Variants in SYNPR observed in about 807,000 individuals in gnomAD.
SYNPR encodes synaptoporin.
A neutral mutation model predicts 32.9 loss-of-function variants in SYNPR; 23 were observed. The ratio of observed to expected loss-of-function variants is 0.70; its 90% CI spans 0.50 to 0.99. SYNPR has a LOEUF of 0.99. Among genes scored for constraint, SYNPR ranks in the 50% least tolerant of loss-of-function variants. The pLI, the probability that SYNPR is intolerant of heterozygous loss-of-function variation, is 0.00. For missense variants in SYNPR, 318 were observed against 349.3 expected (o/e 0.91, Z 0.71); for synonymous variants, 146 against 135.9 (o/e 1.07, Z -0.52).
the SYNPR span, among the ~76,000 whole-genome samples, chr3:63,217,580 G>A: frequency 5.9e-5 from 8 of 135,592 alleles, no homozygotes; most frequent in East Asian, 8.2e-4. Context: ...CGCACGGTGC[G>A]CGCACACACT....
intron 2 of SYNPR, among the ~76,000 whole-genome samples, chr3:63,346,284 A>G (rs2087436432): frequency 6.6e-6 from 1 of 152,158 alleles, no homozygotes; most frequent in Non-Finnish European, 1.5e-5. Context: ...CAAATACACA[A>G]TCATATACTA....
At chr3:63,340,061 T>C (rs1257757761) in intron 2 of SYNPR, among the ~76,000 whole-genome samples, 1 of 152,234 alleles carries the variant, frequency 6.6e-6, no homozygotes, top group Non-Finnish European at 1.5e-5. Flanking sequence ...GCAAGAATCT[T>C]ATATAAATAT....
the SYNPR span, among the ~76,000 whole-genome samples, chr3:63,201,605 A>C: frequency 6.6e-6 from 1 of 152,162 alleles, no homozygotes; most frequent in Non-Finnish European, 1.5e-5. Context: ...TTATATTTAC[A>C]GATACTTGAT....
At chr3:63,292,646 GTGGCACA>G (rs2086751149) in intron 2 of SYNPR, among the ~76,000 whole-genome samples, 1 of 152,184 alleles carries the variant, frequency 6.6e-6, no homozygotes, top group Admixed American at 6.5e-5. Flanking sequence ...GCAAAGATTA[GTGGCACA>G]TAGGAAACAT....
chr3:63,535,766 T>C (rs370832943), intron 3 of SYNPR, among the ~76,000 whole-genome samples: 78 of 151,504 alleles, frequency 5.1e-4, no homozygotes, highest in African/African-American at 1.8e-3. Context: ...CCCTACCTCA[T>C]ACCATTTACA....
intron 2 of SYNPR, among the ~76,000 whole-genome samples, chr3:63,429,267 A>T (rs1271455790): frequency 2.0e-5 from 3 of 152,208 alleles, no homozygotes; most frequent in Non-Finnish European, 4.4e-5. Context: ...CATATCATAA[A>T]CCAATGTAGC....
At chr3:63,445,684 A>G in intron 2 of SYNPR, 1 of 539,922 alleles carries the variant, frequency 1.9e-6, no homozygotes. Context: ...TCTCCATTTT[A>G]CAGATGAGAA....
At chr3:63,524,094 A>AG (rs397952444) in intron 3 of SYNPR, among the ~76,000 whole-genome samples, 2 of 152,024 alleles carry the variant, frequency 1.3e-5, no homozygotes, top group African/African-American at 2.4e-5. Flanking sequence ...AAAAAAAAAA[A>AG]TGACTCACTT....
intron 4 of SYNPR, among the ~76,000 whole-genome samples, chr3:63,557,007 G>C (rs1702606936): frequency 1.3e-5 from 2 of 152,210 alleles, no homozygotes; most frequent in South Asian, 4.1e-4. Flanking sequence ...GGAAAGAGCA[G>C]TGAAGCTTGC....
At chr3:63,444,973 A>G (rs1700247527) in intron 2 of SYNPR, among the ~76,000 whole-genome samples, 1 of 151,310 alleles carries the variant, frequency 6.6e-6, no homozygotes, top group South Asian at 2.1e-4. Context: ...AAAACAAAAC[A>G]CAAACAAAAC....
At chr3:63,211,431 G>A in the SYNPR span, among the ~76,000 whole-genome samples, 1 of 152,150 alleles carries the variant, frequency 6.6e-6, no homozygotes, top group Non-Finnish European at 1.5e-5. Context: ...CAAGAGCAAG[G>A]AGATTCAAGT....
chr3:63,349,921 T>C (rs992278264), intron 2 of SYNPR, among the ~76,000 whole-genome samples: 1 of 152,188 alleles, frequency 6.6e-6, no homozygotes, highest in African/African-American at 2.4e-5. Flanking sequence ...ATGCAAAAAA[T>C]AAGGTAATCC....
chr3:63,418,363 C>G (rs561455822), intron 2 of SYNPR, among the ~76,000 whole-genome samples: 1 of 152,176 alleles, frequency 6.6e-6, no homozygotes, highest in Non-Finnish European at 1.5e-5. Flanking sequence ...CAACAAGTCT[C>G]TAGGAAGTTC....
intron 3 of SYNPR, among the ~76,000 whole-genome samples, chr3:63,549,643 A>G (rs1427587253): frequency 6.6e-6 from 1 of 152,192 alleles, no homozygotes; most frequent in Non-Finnish European, 1.5e-5. Flanking sequence ...TGTTATTACA[A>G]ACATTTCTAT....
At chr3:63,222,603 G>A in the SYNPR span, among the ~76,000 whole-genome samples, 3 of 151,900 alleles carry the variant, frequency 2.0e-5, no homozygotes, top group South Asian at 2.1e-4. Context: ...TGCAACTTTC[G>A]CCTCCCAGGT....
chr3:63,287,230 G>A (rs1037413256), intron 2 of SYNPR, among the ~76,000 whole-genome samples: 2 of 152,134 alleles, frequency 1.3e-5, no homozygotes, highest in Admixed American at 6.5e-5. Context: ...CTCTGTACAC[G>A]TTTCACATTT....
At position 63,467,230 on chromosome 3, in the gene SYNPR, T is replaced by C. The variant is rs1700701106; in HGVS notation, c.85-13602T>C. ...TTTTGTAGAGATGGGGGTCTCACTA[T>C]GTTGCTCAGGCTGAGCTGAAGACTT... is the stretch of plus-strand genomic sequence containing the variant. On this transcript the variant is annotated intron_variant, in intron 2 of 5. Coordinates refer to ENST00000478300, the MANE Select transcript of SYNPR (RefSeq NM_001130003.2). 2.6e-5 allele frequency among the ~76,000 whole-genome samples: 4 copies of C among 152,196 alleles called. No individual in the cohort carries two copies. The South Asian group carries it at 8.3e-4, about 32-fold the overall frequency.
intron 2 of SYNPR, among the ~76,000 whole-genome samples, chr3:63,390,577 T>TC (rs2088119840): frequency 6.6e-6 from 1 of 152,204 alleles, no homozygotes; most frequent in Admixed American, 6.5e-5. Context: ...CATCTTATGG[T>TC]CAGACAGACC....
intron 2 of SYNPR, among the ~76,000 whole-genome samples, chr3:63,436,673 C>T (rs1338330981): frequency 3.3e-5 from 5 of 152,080 alleles, no homozygotes; most frequent in South Asian, 2.1e-4. Context: ...CCATGGACAG[C>T]CCTCCAGCAA....
Sources: allele counts gnomAD v4.1 joint callset (sites outside exome capture counted in the v4.1 genomes callset), GRCh38; gene constraint gnomAD v4.1.1; transcripts MANE v1.5; gene names NCBI Gene and HGNC (gene_info 2026-07-23, HGNC 2026-07-21).